Variants in GRHL2 observed in about 807,000 individuals in gnomAD.
The protein encoded by GRHL2 is grainyhead-like protein 2 homolog.
Under a neutral mutation model 83.8 loss-of-function variants are expected in GRHL2, and 21 were observed. The ratio of observed to expected loss-of-function variants is 0.25; its 90% CI spans 0.18 to 0.36. The LOEUF (loss-of-function observed/expected upper bound fraction) is 0.36, where lower values mean the gene tolerates loss of function less well. GRHL2 is among the 10% of genes least tolerant of loss of function. GRHL2 has a pLI of 1.00. For missense variants in GRHL2, 623 were observed against 781.8 expected, an observed-to-expected ratio of 0.80 and a Z score of 2.42; for synonymous variants, 280 against 278.9, an observed-to-expected ratio of 1.00 and a Z score of -0.04.
intron 8 of GRHL2, among the ~76,000 whole-genome samples, chr8:101,603,010 C>G (rs4734549): frequency 0.51 from 77,050 of 151,660 alleles, 21,421 homozygotes; most frequent in African/African-American, 0.74. Flanking sequence ...CTGTTGAAAA[C>G]AGAATGTGTG....
intron 2 of GRHL2, among the ~76,000 whole-genome samples, chr8:101,545,285 C>T (rs1022698904): frequency 6.6e-6 from 1 of 152,042 alleles, no homozygotes; most frequent in Non-Finnish European, 1.5e-5. Flanking sequence ...ATTGTGACCA[C>T]CCTCTTATGA....
chr8:101,511,515 T>G (rs1810465096), intron 1 of GRHL2, among the ~76,000 whole-genome samples: 1 of 152,112 alleles, frequency 6.6e-6, no homozygotes, highest in African/African-American at 2.4e-5. Context: ...ACCTGGCTAA[T>G]TTTTGTATTT....
intron 1 of GRHL2, among the ~76,000 whole-genome samples, chr8:101,516,099 A>G (rs1261560776): frequency 1.3e-5 from 2 of 151,980 alleles, no homozygotes; most frequent in African/African-American, 4.8e-5. Flanking sequence ...CTGAAAAGGG[A>G]CCAAATGGGG....
chr8:101,544,179 G>A (rs1164437342), intron 2 of GRHL2: 1 of 152,148 alleles, frequency 6.6e-6, no homozygotes, highest in Non-Finnish European at 1.5e-5. Context: ...TTGCTCAGTG[G>A]TTGAACATTT....
rs539766477 is a variant in GRHL2 at position 101,554,885 on chromosome 8, G to A, written c.284+2103G>A. ...AATTATTCATTTTTTAGATGTATTT[G>A]TGAAGTTCTCTGGTATTAGCTTCAA... On this transcript the variant is annotated intron_variant, in intron 3 of 15. Coordinates refer to ENST00000646743, the MANE Select transcript of GRHL2 (RefSeq NM_024915.4). Among the ~76,000 whole-genome samples the A allele has an allele frequency of 1.3e-4, 20 of 152,122 alleles. No individual in the cohort carries two copies. In the South Asian group the frequency reaches 3.9e-3, roughly 30 times the overall value.
chr8:101,613,084 A>G (rs1262735820), intron 8 of GRHL2, among the ~76,000 whole-genome samples: 6 of 150,782 alleles, frequency 4.0e-5, no homozygotes, highest in South Asian at 2.1e-4. Context: ...ATTGGACTGA[A>G]TCTGAATGAG....
intron 1 of GRHL2, chr8:101,529,015 G>C (rs1163358275): frequency 2.6e-6 from 1 of 380,664 alleles, no homozygotes. Context: ...TGGTATTTCA[G>C]ATGTAATTTT....
rs746393111 is a variant in GRHL2 at position 101,644,204 on chromosome 8, AAAG to A, written c.1598_1600del (p.Glu533del). The A allele has an allele frequency of 3.7e-6, 6 of 1,613,992 alleles. No homozygotes were observed. Among genetic ancestry groups the A allele is most frequent in the Admixed American group, 3.3e-5 (2 of 60,024 alleles). On this transcript the variant is annotated inframe_deletion, in exon 13 of 16. Coordinates refer to ENST00000646743, the MANE Select transcript of GRHL2 (RefSeq NM_024915.4). Reference sequence around the variant, plus strand: ...TGGTCCAGTGCCTTCAAAGCAGATGAAAGAAGAAGGGACAAAGCGAGGTATCTC... The same window carrying A: ...TGGTCCAGTGCCTTCAAAGCAGATGAAAGAAGGGACAAAGCGAGGTATCTC...
intron 8 of GRHL2, 60 bp downstream of exon 8, chr8:101,599,211 T>C: frequency 8.7e-7 from 1 of 1,148,792 alleles, no homozygotes; most frequent in Non-Finnish European, 1.3e-6. Flanking sequence ...CAGCAGTTTA[T>C]TCTTTTTTAA....
At chr8:101,627,570 G>A (rs375431770) in intron 9 of GRHL2, among the ~76,000 whole-genome samples, 2 of 151,990 alleles carry the variant, frequency 1.3e-5, no homozygotes, top group South Asian at 4.2e-4. Flanking sequence ...AACCTACAAC[G>A]GCCCCTGAGT....
At chr8:101,601,537 G>T (rs755288148) in intron 8 of GRHL2, among the ~76,000 whole-genome samples, 3 of 152,214 alleles carry the variant, frequency 2.0e-5, no homozygotes, top group Non-Finnish European at 2.9e-5. Context: ...GCCTGTGCTT[G>T]TGGGTGTACA....
chr8:101,559,739 G>C (rs919160678), intron 4 of GRHL2, among the ~76,000 whole-genome samples: 1 of 152,110 alleles, frequency 6.6e-6, no homozygotes, highest in African/African-American at 2.4e-5. Flanking sequence ...GCACAGTTGA[G>C]AATTTTGGTA....
chr8:101,514,690 T>C (rs1810533264), intron 1 of GRHL2, among the ~76,000 whole-genome samples: 1 of 152,166 alleles, frequency 6.6e-6, no homozygotes, highest in African/African-American at 2.4e-5. Flanking sequence ...TGCCACAAAG[T>C]GAAAGTTTCC....
intron 9 of GRHL2, 69 bp from the exon 10 acceptor site, chr8:101,631,568 G>A: frequency 1.7e-6 from 2 of 1,177,318 alleles, no homozygotes; most frequent in Non-Finnish European, 2.5e-6. Context: ...CATGACTTAT[G>A]TGTGACATGA....
At chr8:101,525,698 G>A (rs1308821082) in intron 1 of GRHL2, among the ~76,000 whole-genome samples, 1 of 152,166 alleles carries the variant, frequency 6.6e-6, no homozygotes, top group Admixed American at 6.5e-5. Flanking sequence ...GTTGGGTGTG[G>A]TGGCTCATGC....
At position 101,591,156 on chromosome 8, in the gene GRHL2, AG is replaced by A. The variant is rs145155797; in HGVS notation, c.1004-7899del. Among the ~76,000 whole-genome samples the A allele has an allele frequency of 6.0e-3, 910 of 152,322 alleles. 11 individuals are homozygous for A. The highest frequency in any genetic ancestry group is 0.02 in the African/African-American group (839 of 41,572). ...AGATAAAAAATAAAAAAATAACAAA[AG>A]GATTCACCATAACAATTCAAATAGA... On this transcript the variant is annotated intron_variant, in intron 7 of 15. Coordinates refer to ENST00000646743, the MANE Select transcript of GRHL2 (RefSeq NM_024915.4).
chr8:101,640,640 C>T (rs928658014), intron 12 of GRHL2, among the ~76,000 whole-genome samples: 1 of 152,162 alleles, frequency 6.6e-6, no homozygotes, highest in African/African-American at 2.4e-5. Flanking sequence ...CCCCTCTTGC[C>T]CTGATCCTCT....
intron 12 of GRHL2, among the ~76,000 whole-genome samples, chr8:101,642,453 C>T (rs1031100546): frequency 1.3e-5 from 2 of 152,138 alleles, no homozygotes; most frequent in Non-Finnish European, 2.9e-5. Context: ...GTATTTCAGG[C>T]TATTTACCTA....
intron 13 of GRHL2, among the ~76,000 whole-genome samples, chr8:101,648,315 T>C (rs1015622585): frequency 6.6e-6 from 1 of 152,190 alleles, no homozygotes; most frequent in African/African-American, 2.4e-5. Context: ...TCTTAAAAGA[T>C]AGCCAAGACT....
Sources: gnomAD v4.1 joint callset for allele counts (sites outside exome capture counted in the v4.1 genomes callset) on GRCh38, gnomAD v4.1.1 for gene constraint, MANE v1.5 for transcripts, NCBI Gene and HGNC (gene_info 2026-07-23, HGNC 2026-07-21) for gene names.